The following OTUD7A variants were observed in gnomAD, a reference collection of about 807,000 sequenced individuals.
The protein encoded by OTUD7A is OTU domain-containing protein 7A.
Under a neutral mutation model 65.7 loss-of-function variants are expected in OTUD7A, and 12 were observed. That is an observed-to-expected ratio of 0.18 (90% CI 0.12 to 0.30). The LOEUF (loss-of-function observed/expected upper bound fraction) is 0.30. OTUD7A is among the 10% of genes least tolerant of loss of function. The pLI is 1.00. For synonymous variants in OTUD7A, 641 were observed against 586.3 expected (o/e 1.09, Z -1.35); for missense variants, 1,148 against 1,304.8 (o/e 0.88, Z 1.85).
At chr15:31,829,324 T>C (rs1317283250) in intron 1 of OTUD7A, among the ~76,000 whole-genome samples, 2 of 152,072 alleles carry the variant, frequency 1.3e-5, no homozygotes, top group African/African-American at 2.4e-5. Context: ...AAGGAACAGG[T>C]TCCAGACAGG....
At chr15:31,840,456 A>G (rs1897157508) in intron 1 of OTUD7A, among the ~76,000 whole-genome samples, 1 of 152,100 alleles carries the variant, frequency 6.6e-6, no homozygotes, top group Admixed American at 6.5e-5. Flanking sequence ...AAAAATAAAA[A>G]TAAAAATAAA....
intron 3 of OTUD7A, among the ~76,000 whole-genome samples, chr15:31,614,026 T>C (rs1890510245): frequency 6.6e-6 from 1 of 152,240 alleles, no homozygotes; most frequent in African/African-American, 2.4e-5. Context: ...TGGAGACTAT[T>C]ACTCTAAGTG....
chr15:31,858,729 C>T (rs1861648510), intron 1 of OTUD7A, among the ~76,000 whole-genome samples: 1 of 152,230 alleles, frequency 6.6e-6, no homozygotes, highest in African/African-American at 2.4e-5. Flanking sequence ...CCAACCCGGC[C>T]AGCCCCACCA....
intron 3 of OTUD7A, among the ~76,000 whole-genome samples, chr15:31,575,235 C>T (rs1175380309): frequency 1.3e-5 from 2 of 152,166 alleles, no homozygotes; most frequent in African/African-American, 4.8e-5. Flanking sequence ...AGGGCTTCCC[C>T]ATGTAGCCCT....
intron 3 of OTUD7A, among the ~76,000 whole-genome samples, chr15:31,583,515 A>G (rs972600696): frequency 6.6e-6 from 1 of 152,064 alleles, no homozygotes; most frequent in Non-Finnish European, 1.5e-5. Context: ...AGACAATTGA[A>G]TCATGGGGGT....
chr15:31,637,477 T>C (rs1891377515), intron 3 of OTUD7A, among the ~76,000 whole-genome samples: 1 of 152,256 alleles, frequency 6.6e-6, no homozygotes, highest in Non-Finnish European at 1.5e-5. Context: ...ACAAGATCAA[T>C]GTTTTCACGT....
intron 5 of OTUD7A, among the ~76,000 whole-genome samples, chr15:31,538,656 T>C (rs1887884120): frequency 6.6e-6 from 1 of 152,200 alleles, no homozygotes; most frequent in Admixed American, 6.5e-5. Context: ...ACCTATATGA[T>C]TTCAAAAGCC....
intron 1 of OTUD7A, among the ~76,000 whole-genome samples, chr15:31,733,269 T>C (rs972649869): frequency 2.0e-5 from 3 of 152,282 alleles, no homozygotes; most frequent in Admixed American, 2.0e-4. Flanking sequence ...CTGACATCTG[T>C]CACCATTACC....
chr15:31,713,760 C>T (rs1230727484), intron 1 of OTUD7A, among the ~76,000 whole-genome samples: 1 of 151,652 alleles, frequency 6.6e-6, no homozygotes, highest in East Asian at 1.9e-4. Flanking sequence ...CAGTAAAGGA[C>T]TGGTACCCTG....
At chr15:31,703,189 T>C (rs991792570) in intron 1 of OTUD7A, among the ~76,000 whole-genome samples, 55 of 152,134 alleles carry the variant, frequency 3.6e-4, no homozygotes, top group African/African-American at 1.3e-3. Context: ...CTTAGGGATT[T>C]AGGGTTAGGA....
chr15:31,588,641 C>G (rs1046454279), intron 3 of OTUD7A, among the ~76,000 whole-genome samples: 1 of 152,242 alleles, frequency 6.6e-6, no homozygotes, highest in Non-Finnish European at 1.5e-5. Flanking sequence ...AGCTTAAACA[C>G]AAAAGGCCTA....
At chr15:31,801,441 G>A (rs954666710) in intron 1 of OTUD7A, among the ~76,000 whole-genome samples, 23 of 152,348 alleles carry the variant, frequency 1.5e-4, no homozygotes, top group African/African-American at 5.3e-4. Context: ...GCTCTGGTTT[G>A]CAGAGGCTCT....
intron 1 of OTUD7A, among the ~76,000 whole-genome samples, chr15:31,854,455 G>A (rs1454735084): frequency 2.6e-5 from 4 of 152,096 alleles, no homozygotes; most frequent in Non-Finnish European, 5.9e-5. Context: ...AAAGAGAAAC[G>A]TTTCCCTCTT....
At chr15:31,755,518 G>A (rs540220937) in intron 1 of OTUD7A, among the ~76,000 whole-genome samples, 2 of 152,180 alleles carry the variant, frequency 1.3e-5, no homozygotes, top group South Asian at 2.1e-4. Context: ...TCAGGAGATC[G>A]AGACCATTCT....
intron 1 of OTUD7A, among the ~76,000 whole-genome samples, chr15:31,734,850 G>T (rs904779830): frequency 6.6e-6 from 1 of 151,806 alleles, no homozygotes; most frequent in Non-Finnish European, 1.5e-5. Flanking sequence ...TACAGGCAGA[G>T]ATTTCATGAT....
chr15:31,625,159 C>T (rs926352330), intron 3 of OTUD7A, among the ~76,000 whole-genome samples: 36 of 152,066 alleles, frequency 2.4e-4, no homozygotes, highest in African/African-American at 7.2e-4. Context: ...TCCTGCTGAC[C>T]GCCAGTGAAG....
intron 3 of OTUD7A, among the ~76,000 whole-genome samples, chr15:31,591,696 AAT>A (rs1392068593): frequency 6.6e-6 from 1 of 152,158 alleles, no homozygotes; most frequent in Non-Finnish European, 1.5e-5. Context: ...CTCTCTCTAT[AAT>A]ATACATGTAC....
intron 1 of OTUD7A, among the ~76,000 whole-genome samples, chr15:31,841,122 A>T (rs2140993945): frequency 6.6e-6 from 1 of 152,290 alleles, no homozygotes; most frequent in Middle Eastern, 3.4e-3. Flanking sequence ...CTTGGTACAC[A>T]GAGGTGGGGG....
At chr15:31,721,881 G>A (rs914767608) in intron 1 of OTUD7A, among the ~76,000 whole-genome samples, 4 of 152,240 alleles carry the variant, frequency 2.6e-5, no homozygotes, top group Admixed American at 2.0e-4. Flanking sequence ...CAGGCTCCTA[G>A]GCCAGGGACT....
Sources: allele counts gnomAD v4.1 joint callset (sites outside exome capture counted in the v4.1 genomes callset), GRCh38; gene constraint gnomAD v4.1.1; transcripts MANE v1.5; gene names NCBI Gene and HGNC (gene_info 2026-07-23, HGNC 2026-07-21).